Variants in SEC14L2 observed in about 807,000 individuals in gnomAD.
SEC14L2 encodes SEC14 like lipid binding 2.
In SEC14L2, 50 loss-of-function variants were observed where a neutral mutation model predicts 56.9. The ratio of observed to expected loss-of-function variants is 0.88; its 90% CI spans 0.70 to 1.11. SEC14L2 has a LOEUF of 1.11. Ranked by LOEUF, SEC14L2 falls within the 50% of genes most tolerant of loss-of-function variation. The pLI is 0.00. For synonymous variants in SEC14L2, 179 were observed against 188.5 expected (o/e 0.95, Z 0.41); for missense variants, 414 against 500.7 (o/e 0.83, Z 1.65).
Position 30,422,435 on chromosome 22 carries a change from C to T in SEC14L2, c.*28C>T. ...CCTTCTCCTATAGCAGGCCTGGCCC[C>T]CTCAGTGTCTCCCTGTCAATTTCTA... On this transcript the variant is annotated 3_prime_UTR_variant, in exon 12 of 12. Coordinates refer to ENST00000615189, the MANE Select transcript of SEC14L2 (RefSeq NM_012429.5). 6.2e-7 allele frequency: 1 copy of T among 1,613,362 alleles called. No individual in the cohort carries two copies. Among genetic ancestry groups the T allele is most frequent in the Non-Finnish European group, 8.5e-7 (1 of 1,179,676 alleles).
At chr22:30,405,055 A>G (rs949733220) in intron 2 of SEC14L2, among the ~76,000 whole-genome samples, 1 of 150,392 alleles carries the variant, frequency 6.6e-6, no homozygotes, top group Non-Finnish European at 1.5e-5. Flanking sequence ...GGATGACAAG[A>G]GCGAAATTGT....
intron 1 of SEC14L2, among the ~76,000 whole-genome samples, chr22:30,398,360 C>T (rs910587359): frequency 1.3e-5 from 2 of 152,150 alleles, no homozygotes; most frequent in Non-Finnish European, 2.9e-5. Context: ...GTGGGATGGT[C>T]TGAGTCCCTG....
Position 30,412,477 on chromosome 22 carries a change from C to T in SEC14L2, c.664+1798C>T, listed in dbSNP as rs550799709. On this transcript the variant is annotated intron_variant, in intron 8 of 11. Transcript: ENST00000615189. The stretch of plus-strand genomic sequence containing the variant: ...CGCAAGAGGTGTTGCAAGCCTGAAT[C>T]GGGGAATTGGCAACAGGGATAGAGA... Among the ~76,000 whole-genome samples, 9 of 151,740 alleles carry T rather than the reference C, an allele frequency of 5.9e-5. No homozygotes were observed. The South Asian group carries it at 1.7e-3, about 28-fold the overall frequency.
intron 2 of SEC14L2, among the ~76,000 whole-genome samples, chr22:30,404,928 G>C (rs751725803): frequency 3.9e-5 from 6 of 152,126 alleles, no homozygotes; most frequent in Non-Finnish European, 8.8e-5. Context: ...AAATTAGCCA[G>C]GTGTGGTGGC....
chr22:30,412,650 T>G (rs1484044212), intron 8 of SEC14L2, among the ~76,000 whole-genome samples: 2 of 151,266 alleles, frequency 1.3e-5, no homozygotes, highest in Non-Finnish European at 2.9e-5. Context: ...ATGGTAAAAC[T>G]CCATCTCTAC....
intron 1 of SEC14L2, 21 bp from the exon 2 acceptor site, chr22:30,399,622 C>G: frequency 6.2e-7 from 1 of 1,606,394 alleles, no homozygotes; most frequent in Non-Finnish European, 8.5e-7. Flanking sequence ...CTACCACTCA[C>G]CCCGATGCCT....
At chr22:30,397,499 TGGGGCA>T (rs201300932) in intron 1 of SEC14L2, 8,511 of 370,660 alleles carry the variant, frequency 0.023, 172 homozygotes, top group Non-Finnish European at 0.031. Context: ...AGCCGGGCCC[TGGGGCA>T]GGGGCAGGGG....
Position 30,406,500 on chromosome 22 carries a change from G to A in SEC14L2, c.174+115G>A, listed in dbSNP as rs1358092536. ...CAGCTTTTGGCTTTGAGTATTAGCCGACCACTGTTGCCTTATCCCTCTGGG... is the reference window on the plus strand; with the variant it reads ...CAGCTTTTGGCTTTGAGTATTAGCCAACCACTGTTGCCTTATCCCTCTGGG... On this transcript the variant is annotated intron_variant, in intron 3 of 11. Transcript: ENST00000615189. The A allele has an allele frequency of 1.6e-5, 16 of 984,048 alleles. 1 individual carries two copies. The highest frequency in any genetic ancestry group is 7.2e-5 in the South Asian group (5 of 69,286). The allele number at this position is 984,048 out of a possible 1,614,324, so 61.0% of individuals were successfully genotyped here. A position where few individuals can be genotyped will look rare whatever the true frequency, so the allele number is the denominator to read the frequency against.
chr22:30,425,092 TGGATCC>T lies in SEC14L2; in HGVS notation c.*2686_*2691del. On this transcript the variant is annotated 3_prime_UTR_variant, in exon 12 of 12. Transcript: ENST00000615189. ...GAGCTCGCATTAAGAGCACGGGATC[TGGATCC>T]ACACTGTTTGGATTCAAATCACAAC... The T allele has an allele frequency of 1.9e-5, 5 of 261,210 alleles. No individual in the cohort carries two copies. Among genetic ancestry groups the T allele is most frequent in the South Asian group, 3.5e-5 (1 of 28,460 alleles). The allele number at this position is 261,210 out of a possible 1,614,324, so 16.2% of individuals were successfully genotyped here.
chr22:30,402,513 G>T (rs1415103059), intron 2 of SEC14L2, among the ~76,000 whole-genome samples: 2 of 152,142 alleles, frequency 1.3e-5, no homozygotes, highest in Non-Finnish European at 2.9e-5. Flanking sequence ...GCTCAGAGAG[G>T]GGAGGGGACT....
chr22:30,416,660 AGGG>A, intron 11 of SEC14L2: 1 of 1,430,250 alleles, frequency 7.0e-7, no homozygotes, highest in Non-Finnish European at 9.1e-7. Context: ...AGGCGATCAC[AGGG>A]GTTCAACACG....
At chr22:30,415,501 CACTT>C (rs1432767512) in intron 8 of SEC14L2, among the ~76,000 whole-genome samples, 2 of 152,186 alleles carry the variant, frequency 1.3e-5, no homozygotes, top group African/African-American at 4.8e-5. Flanking sequence ...GCAAGAATGT[CACTT>C]AGCTGTTCAG....
intron 11 of SEC14L2, among the ~76,000 whole-genome samples, chr22:30,419,634 A>G (rs1488067756): frequency 6.6e-6 from 1 of 152,214 alleles, no homozygotes; most frequent in Non-Finnish European, 1.5e-5. Context: ...CGTAAAGACC[A>G]AACACTTCCT....
chr22:30,397,981 G>C, intron 1 of SEC14L2: 2 of 434,796 alleles, frequency 4.6e-6, no homozygotes, highest in Non-Finnish European at 9.4e-6. Flanking sequence ...GGGGAGTGAG[G>C]AGGTCGGCTC....
At chr22:30,418,909 G>A (rs545621331) in intron 11 of SEC14L2, among the ~76,000 whole-genome samples, 1 of 152,314 alleles carries the variant, frequency 6.6e-6, no homozygotes, top group African/African-American at 2.4e-5. Context: ...ACCTTCCCCA[G>A]GCTTCTCTGG....
Position 30,397,188 on chromosome 22 carries a change from C to G in SEC14L2, c.54+18C>G. The G allele has an allele frequency of 6.6e-7, 1 of 1,512,816 alleles. No homozygotes were observed. Among genetic ancestry groups the G allele is most frequent in the Non-Finnish European group, 8.9e-7 (1 of 1,127,694 alleles). 93.7% of individuals were successfully genotyped at this position (1,512,816 alleles called of 1,614,324 possible). A position where few individuals can be genotyped will look rare whatever the true frequency, so the allele number is the denominator to read the frequency against. On this transcript the variant is annotated intron_variant, in intron 1 of 11. Transcript: ENST00000615189. ...TGGCCAAGGTGAGCTGTAGCCCTGGCCCGGGCTCCCGCCTCGGGCTGTGGC... is the reference window on the plus strand; with the variant it reads ...TGGCCAAGGTGAGCTGTAGCCCTGGGCCGGGCTCCCGCCTCGGGCTGTGGC...
intron 2 of SEC14L2, among the ~76,000 whole-genome samples, chr22:30,401,601 C>T (rs2018514): frequency 0.31 from 46,745 of 151,118 alleles, 7,363 homozygotes; most frequent in East Asian, 0.37. Context: ...GCAACCTCCA[C>T]CTCCCAGTTT....
At position 30,424,426 on chromosome 22, in the gene SEC14L2, G is replaced by T; in HGVS notation, c.*2019G>T. Reference sequence around the variant, plus strand: ...GCCCTACAAGACAGAGGCGCCTAGGGCTGAAAGCGGGGGCCTCCGTAGGGA... The same window carrying T: ...GCCCTACAAGACAGAGGCGCCTAGGTCTGAAAGCGGGGGCCTCCGTAGGGA... On this transcript the variant is annotated 3_prime_UTR_variant, in exon 12 of 12. Transcript: ENST00000615189. 1 of 339,400 alleles carries T rather than the reference G, an allele frequency of 2.9e-6. No homozygotes were observed. Among genetic ancestry groups the T allele is most frequent in the Non-Finnish European group, 5.8e-6 (1 of 173,274 alleles). The allele number at this position is 339,400 out of a possible 1,614,324, so 21.0% of individuals were successfully genotyped here.
rs574716912 is a variant in SEC14L2, at chr22:30,417,721, C to T, written c.1081+1318C>T. 2.0e-4 allele frequency among the ~76,000 whole-genome samples: 31 copies of T among 152,254 alleles called. No individual in the cohort carries two copies. The East Asian group carries it at 4.8e-3, about 24-fold the overall frequency. ...AGAAGGGCCATCCTGCAGACAATGC[C>T]GGGAGATGGGAGAAGCCCTGTGCCC... On this transcript the variant is annotated intron_variant, in intron 11 of 11. Transcript: ENST00000615189.
Sources: gnomAD v4.1 joint callset for allele counts (sites outside exome capture counted in the v4.1 genomes callset) on GRCh38, gnomAD v4.1.1 for gene constraint, MANE v1.5 for transcripts, NCBI Gene and HGNC (gene_info 2026-07-23, HGNC 2026-07-21) for gene names.